Variants in UBE2W observed in about 807,000 individuals in gnomAD.
UBE2W encodes ubiquitin-conjugating enzyme E2 W.
A neutral mutation model predicts 27.2 loss-of-function variants in UBE2W; 18 were observed. The observed-to-expected ratio is 0.66, with a 90% CI of 0.46 to 0.98. UBE2W has a LOEUF of 0.98. Among genes scored for constraint, UBE2W ranks in the 50% least tolerant of loss-of-function variants. The probability of loss-of-function intolerance (pLI) is 0.00; values close to 1 mark genes in which losing one functional copy is unlikely to be tolerated. For missense variants in UBE2W, 90 were observed against 180.2 expected, an observed-to-expected ratio of 0.50 and a Z score of 2.87; for synonymous variants, 53 against 57.2, an observed-to-expected ratio of 0.93 and a Z score of 0.33.
At chr8:73,803,490 G>A (rs1386461709) in intron 5 of UBE2W, among the ~76,000 whole-genome samples, 1 of 151,944 alleles carries the variant, frequency 6.6e-6, no homozygotes, top group South Asian at 2.1e-4. Flanking sequence ...TTACCTTTAT[G>A]GCTCAAAATT....
chr8:73,839,849 A>G (rs1180071513), intron 1 of UBE2W, among the ~76,000 whole-genome samples: 1 of 146,860 alleles, frequency 6.8e-6, no homozygotes, highest in African/African-American at 2.5e-5. Flanking sequence ...CTCATGCCTC[A>G]GCCTCCCGAG....
Position 73,788,620 on chromosome 8 carries a change from CA to C in UBE2W, c.*5481del, listed in dbSNP as rs1490871975. 2 of 985,394 alleles carry C rather than the reference CA, an allele frequency of 2.0e-6. No individual in the cohort carries two copies. Among genetic ancestry groups the C allele is most frequent in the African/African-American group, 3.5e-5 (2 of 57,350 alleles). 61.0% of individuals were successfully genotyped at this position (985,394 alleles called of 1,614,324 possible). ...ATTTCAGGCTTTAAATTGTAAGTTT[CA>C]GGCTTCAAAAGAGGCAGGATTATTA... On this transcript the variant is annotated 3_prime_UTR_variant, in exon 6 of 6. Transcript: ENST00000602593.
chr8:73,877,003 CA>C (rs1221845300), intron 1 of UBE2W, among the ~76,000 whole-genome samples: 1 of 152,168 alleles, frequency 6.6e-6, no homozygotes, highest in Non-Finnish European at 1.5e-5. Context: ...AGTTCAAGTT[CA>C]AGATTACCAA....
At chr8:73,830,597 C>A in intron 1 of UBE2W, 125 bp from the exon 2 acceptor site, 2 of 676,554 alleles carry the variant, frequency 3.0e-6, no homozygotes, top group South Asian at 1.9e-5. Flanking sequence ...GGAATCCTCC[C>A]ACCTCAGCCT....
intron 5 of UBE2W, among the ~76,000 whole-genome samples, chr8:73,794,641 C>T (rs1808336778): frequency 6.6e-6 from 1 of 152,052 alleles, no homozygotes. Context: ...GTGGCTCACA[C>T]CTGTAATCCC....
At chr8:73,825,832 T>C (rs1809813435) in intron 2 of UBE2W, among the ~76,000 whole-genome samples, 1 of 152,132 alleles carries the variant, frequency 6.6e-6, no homozygotes, top group African/African-American at 2.4e-5. Context: ...CAAACTAAGG[T>C]GCACTGACAC....
chr8:73,822,304 T>C (rs1270730072), intron 3 of UBE2W, among the ~76,000 whole-genome samples: 3 of 152,082 alleles, frequency 2.0e-5, no homozygotes, highest in Non-Finnish European at 2.9e-5. Flanking sequence ...CTGGATTTCC[T>C]AGGCCGACAA....
intron 1 of UBE2W, among the ~76,000 whole-genome samples, chr8:73,866,833 A>C (rs1443807647): frequency 6.6e-6 from 1 of 151,800 alleles, no homozygotes; most frequent in African/African-American, 2.4e-5. Flanking sequence ...GCAGATCACA[A>C]GGTCAGGAAA....
chr8:73,832,397 T>TA (rs992188929), intron 1 of UBE2W, among the ~76,000 whole-genome samples: 1 of 152,176 alleles, frequency 6.6e-6, no homozygotes, highest in South Asian at 2.1e-4. Context: ...CTGAATGGGA[T>TA]ATGTGTATTC....
intron 3 of UBE2W, 81 bp downstream of exon 3, chr8:73,825,066 A>G (rs1586482838): frequency 4.9e-6 from 4 of 818,534 alleles, no homozygotes; most frequent in Non-Finnish European, 1.9e-6. Context: ...TAACTGATTT[A>G]TATGTTTTTA....
intron 4 of UBE2W, among the ~76,000 whole-genome samples, chr8:73,806,072 T>C (rs1808891699): frequency 6.6e-6 from 1 of 151,962 alleles, no homozygotes; most frequent in South Asian, 2.1e-4. Flanking sequence ...GGAGAATTGA[T>C]TGAACCCGGG....
At chr8:73,856,357 A>T (rs923526775) in intron 1 of UBE2W, among the ~76,000 whole-genome samples, 2 of 89,366 alleles carry the variant, frequency 2.2e-5, no homozygotes, top group Non-Finnish European at 4.0e-5. Context: ...ACACTTATGA[A>T]TTTTTTTTTT....
At chr8:73,817,112 T>C (rs1809421529) in intron 3 of UBE2W, among the ~76,000 whole-genome samples, 1 of 151,808 alleles carries the variant, frequency 6.6e-6, no homozygotes, top group Non-Finnish European at 1.5e-5. Context: ...GATCACAAGG[T>C]CAGGAGTTTG....
intron 1 of UBE2W, among the ~76,000 whole-genome samples, chr8:73,848,643 G>A (rs1294925792): frequency 6.6e-6 from 1 of 152,140 alleles, no homozygotes; most frequent in African/African-American, 2.4e-5. Flanking sequence ...CGTGAGCCGT[G>A]ATCTCACCAC....
At chr8:73,861,035 T>C (rs917073663) in intron 1 of UBE2W, among the ~76,000 whole-genome samples, 1 of 152,100 alleles carries the variant, frequency 6.6e-6, no homozygotes, top group Non-Finnish European at 1.5e-5. Flanking sequence ...GAAGGATCCT[T>C]TGATCCTAGA....
At chr8:73,834,054 C>T (rs1273675319) in intron 1 of UBE2W, 23 of 152,200 alleles carry the variant, frequency 1.5e-4, no homozygotes, top group Admixed American at 1.5e-3. Flanking sequence ...TAAGTCTTTT[C>T]TTAAAGTGAA....
chr8:73,875,449 T>C (rs893089827), intron 1 of UBE2W, among the ~76,000 whole-genome samples: 17 of 152,208 alleles, frequency 1.1e-4, no homozygotes, highest in African/African-American at 3.1e-4. Flanking sequence ...TTAAAATACA[T>C]ACTCTCCAAT....
intron 3 of UBE2W, among the ~76,000 whole-genome samples, chr8:73,815,403 C>A (rs1226414629): frequency 6.6e-6 from 1 of 152,004 alleles, no homozygotes; most frequent in African/African-American, 2.4e-5. Context: ...AAAAACCTCA[C>A]TCAAAGTTGG....
Position 73,809,130 on chromosome 8 carries a change from G to T in UBE2W, c.366+1344C>A, listed in dbSNP as rs571201002. On this transcript the variant is annotated intron_variant, in intron 4 of 5. Coordinates refer to ENST00000602593, the MANE Select transcript of UBE2W (RefSeq NM_018299.6). ...ACACATAAAAGTTTAAAACGTGTGT[G>T]TGTGTTGGGGGTGGGTGAGAGGAGA... Among the ~76,000 whole-genome samples, 122 of 152,276 alleles carry T rather than the reference G, an allele frequency of 8.0e-4. 1 individual carries two copies. Among genetic ancestry groups the T allele is most frequent in the Middle Eastern group, 3.4e-3 (1 of 294 alleles).
Sources: allele counts gnomAD v4.1 joint callset (sites outside exome capture counted in the v4.1 genomes callset), GRCh38; gene constraint gnomAD v4.1.1; transcripts MANE v1.5; gene names NCBI Gene and HGNC (gene_info 2026-07-23, HGNC 2026-07-21).